The following UBA1 variants were observed in gnomAD, a reference collection of about 807,000 sequenced individuals.
The protein encoded by UBA1 is ubiquitin like modifier activating enzyme 1, also known as ubiquitin-like modifier-activating enzyme 1.
Under a neutral mutation model 84.7 loss-of-function variants are expected in UBA1, and 4 were observed. That is an observed-to-expected ratio of 0.05 (90% confidence interval 0.02 to 0.11). The LOEUF is 0.11. Ranked by LOEUF, UBA1 falls within the 10% of genes least tolerant of loss-of-function variation. The pLI, the probability that UBA1 is intolerant of heterozygous loss-of-function variation, is 1.00. For synonymous variants in UBA1, 364 were observed against 362.6 expected (o/e 1.00, Z -0.04); for missense variants, 513 against 902.8 (o/e 0.57, Z 5.53).
rs782073018 is a variant in UBA1 at position 47,214,969 on chromosome X, C to T, written c.*40C>T. The T allele has an allele frequency of 8.3e-7, 1 of 1,205,273 alleles. No individual in the cohort carries two copies. Among genetic ancestry groups the T allele is most frequent in the Admixed American group, 2.2e-5 (1 of 46,047 alleles). On this transcript the variant is annotated 3_prime_UTR_variant, in exon 26 of 26. Coordinates refer to ENST00000335972, the MANE Select transcript of UBA1 (RefSeq NM_003334.4). ...CTAGGCTGGCCCCTTGTCCACCCCT[C>T]TCCACACCCCTTCCAGCCCAGGGTT...
chrX:47,203,425 A>G, intron 13 of UBA1, 116 bp from the exon 14 acceptor site: 2 of 953,595 alleles, frequency 2.1e-6, no homozygotes, highest in Non-Finnish European at 3.0e-6. Flanking sequence ...TGCAACCTGA[A>G]GATGTGGTGT....
intron 23 of UBA1, 42 bp downstream of exon 23, chrX:47,213,223 C>T (rs1175657209): frequency 1.7e-6 from 2 of 1,167,489 alleles, no homozygotes; most frequent in Non-Finnish European, 2.3e-6. Context: ...TGGGGTGTAT[C>T]TGTGTAGATC....
In UBA1 at chrX:47,209,956, C is replaced by A; in HGVS notation, c.2032C>A (p.Arg678=). The A allele has an allele frequency of 1.7e-6, 2 of 1,212,118 alleles. No individual in the cohort carries two copies. The highest frequency in any genetic ancestry group is 1.8e-5 in the South Asian group (1 of 57,025). The change falls in exon 18 of 26, where the codon CGG becomes AGG. Residue 678 remains arginine, a synonymous_variant. Transcript: ENST00000335972. ...TDPKFVERTL[R]LAGTQPLEVL... is the part of the protein sequence containing the mutation. ...CCCCAAGTTTGTGGAGCGAACACTG[C>A]GGCTGGCAGGCACTCAGCCCTTGGA...
Position 47,199,230 on chromosome X carries a change from A to G in UBA1, c.198A>G (p.Ala66=), listed in dbSNP as rs1556786666. 1 of 1,212,181 alleles carries G rather than the reference A, an allele frequency of 8.2e-7. No homozygotes were observed. The highest frequency in any genetic ancestry group is 3.0e-5 in the East Asian group (1 of 33,862). The change falls in exon 4 of 26, where the codon GCA becomes GCG. Residue 66 remains alanine, a synonymous_variant. Transcript: ENST00000335972. ...GCAGGTATGTGTTGGGCCATGAGGC[A>G]ATGAAGCGGCTCCAGACATCCAGTG... ...SRQLYVLGHE[A]MKRLQTSSVL... is the part of the protein sequence containing the mutation.
chrX:47,201,307 A>G lies in UBA1; in HGVS notation c.619A>G (p.Ile207Val). 2 of 1,209,093 alleles carry G rather than the reference A, an allele frequency of 1.7e-6. No individual in the cohort carries two copies. The highest frequency in any genetic ancestry group is 1.1e-6 in the Non-Finnish European group (1 of 894,140). ...QLFCDFGEEM[I>V]LTDSNGEQPL... is the part of the protein sequence containing the mutation. ...CTTCTGTGACTTTGGAGAGGAAATG[A>G]TCCTCACAGATTCCAATGGGGAGCA... The change falls in exon 7 of 26, where the codon ATC becomes GTC. Residue 207 changes from isoleucine to valine, a missense_variant. By Grantham distance (29) the Ile-to-Val change is conservative (BLOSUM62 3). This residue lies in a region of UBA1 where 227 missense variants were observed against 339.1 expected (regional missense o/e 0.67). Transcript: ENST00000335972.
intron 1 of UBA1, chrX:47,198,245 G>A (rs782182393): frequency 6.1e-6 from 6 of 982,239 alleles, no homozygotes; most frequent in South Asian, 4.0e-5. Context: ...CGCTCCCGCC[G>A]CCATCCCTGG....
Position 47,198,235 on chromosome X carries a change from C to T in UBA1, c.1-568C>T, listed in dbSNP as rs1046355790. The T allele has an allele frequency of 6.0e-5, 59 of 979,791 alleles. No homozygotes were observed. In the Middle Eastern group the frequency reaches 9.0e-4, roughly 15 times the overall value. The allele number at this position is 979,791 out of a possible 1,213,427, so 80.7% of individuals were successfully genotyped here. ...AGCCTCACTTCCCTCCTGCACTCCC[C>T]GCTCCCGCCGCCATCCCTGGGATTA... On this transcript the variant is annotated intron_variant, in intron 1 of 25. Transcript: ENST00000335972.
chrX:47,192,837 C>T (rs782721031), upstream of UBA1, among the ~76,000 whole-genome samples: 1 of 112,328 alleles, frequency 8.9e-6, no homozygotes, highest in South Asian at 3.6e-4. Flanking sequence ...GTGATCCACC[C>T]GCCTCGGCCT....
At chrX:47,199,687 C>T (rs1936333189) in intron 5 of UBA1, 73 bp downstream of exon 5, 9 of 1,140,919 alleles carry the variant, frequency 7.9e-6, no homozygotes, top group Non-Finnish European at 9.6e-6. Context: ...CAGTAGTGTT[C>T]AATATTGATT....
chrX:47,207,396 GAAAA>G (rs1280457386), intron 16 of UBA1, among the ~76,000 whole-genome samples: 1 of 111,883 alleles, frequency 8.9e-6, no homozygotes, highest in Admixed American at 9.5e-5. Flanking sequence ...AAAAATAAAA[GAAAA>G]AAAGATCCGT....
chrX:47,203,917 T>A (rs1164198220), intron 14 of UBA1, among the ~76,000 whole-genome samples: 1 of 108,283 alleles, frequency 9.2e-6, no homozygotes, highest in Non-Finnish European at 1.9e-5. Context: ...CCCGGCTGAT[T>A]TTGCATTTTA....
intron 1 of UBA1, chrX:47,197,823 C>A: frequency 2.0e-6 from 1 of 498,557 alleles, no homozygotes; most frequent in Non-Finnish European, 2.5e-6. Context: ...ACCTTGGTCA[C>A]CGAACGTCCC....
chrX:47,202,616 T>C (rs782269823), intron 10 of UBA1, 22 bp from the exon 11 acceptor site: 19 of 1,211,794 alleles, frequency 1.6e-5, no homozygotes, highest in Non-Finnish European at 3.4e-6. Context: ...ATATCCTCTC[T>C]TGGTTCTTTC....
In UBA1 at chrX:47,205,810, T is replaced by C. The variant is rs958597780; in HGVS notation, c.1576-138T>C. 3.7e-5 allele frequency: 27 copies of C among 726,043 alleles called. No individual in the cohort carries two copies. The African/African-American group carries it at 5.1e-4, about 14-fold the overall frequency. The allele number at this position is 726,043 out of a possible 1,213,427, so 59.8% of individuals were successfully genotyped here. A position where few individuals can be genotyped will look rare whatever the true frequency, so the allele number is the denominator to read the frequency against. ...TTGAGGCTGCAGTGAGCCGTGATCATGCCACTGCATTCCAGCCTGTGTGAT... is the reference window on the plus strand; with the variant it reads ...TTGAGGCTGCAGTGAGCCGTGATCACGCCACTGCATTCCAGCCTGTGTGAT... On this transcript the variant is annotated intron_variant, in intron 14 of 25. Transcript: ENST00000335972.
Position 47,199,522 on chromosome X carries a change from G to T in UBA1, c.388G>T (p.Val130Leu). 1 of 1,211,865 alleles carries T rather than the reference G, an allele frequency of 8.3e-7. No individual in the cohort carries two copies. The highest frequency in any genetic ancestry group is 1.1e-6 in the Non-Finnish European group (1 of 895,528). ...GGACATCGGTAAAAACCGGGCCGAG[G>T]TATCACAGCCCCGCCTCGCTGAGCT... ...EEDIGKNRAE[V>L]SQPRLAELNS... The change falls in exon 5 of 26, where the codon GTA becomes TTA. Residue 130 changes from valine to leucine, a missense_variant. Physicochemically the swap from Val to Leu is conservative, Grantham distance 32. Coordinates refer to ENST00000335972, the MANE Select transcript of UBA1 (RefSeq NM_003334.4).
In UBA1 at chrX:47,214,820, C is replaced by T. The variant is rs1185350232; in HGVS notation, c.3068C>T (p.Ser1023Leu). ...QPMTEIVSRV[S>L]KRKLGRHVRA... The stretch of plus-strand genomic sequence containing the variant: ...ATGACAGAGATTGTGAGCCGTGTGT[C>T]GAAGCGAAAGCTGGGCCGCCACGTG... The change falls in exon 26 of 26, where the codon TCG becomes TTG. Residue 1023 changes from serine (S) to leucine (L), a missense_variant. This residue lies in a region of UBA1 where 151 missense variants were observed against 260.1 expected (regional missense o/e 0.58). Coordinates refer to ENST00000335972, the MANE Select transcript of UBA1 (RefSeq NM_003334.4). 5.0e-6 allele frequency: 6 copies of T among 1,210,016 alleles called. No homozygotes were observed. The highest frequency in any genetic ancestry group is 2.3e-4 in the Middle Eastern group (1 of 4,371).
chrX:47,193,840 G>C lies in UBA1; in HGVS notation c.-185G>C. ...GCTCAGCGTCCGCCATCTTGTGTCG[G>C]CGGCTCGGCTGTAAGGAGGTGGCAG... is the stretch of plus-strand genomic sequence containing the variant. On this transcript the variant is annotated 5_prime_UTR_variant, in exon 1 of 26. Coordinates refer to ENST00000335972, the MANE Select transcript of UBA1 (RefSeq NM_003334.4). 8.9e-6 allele frequency: 1 copy of C among 111,749 alleles called. No homozygotes were observed. The highest frequency in any genetic ancestry group is 1.9e-5 in the Non-Finnish European group (1 of 53,137). 9.2% of individuals were successfully genotyped at this position (111,749 alleles called of 1,213,427 possible).
chrX:47,193,128 A>G (rs1936091703), upstream of UBA1, among the ~76,000 whole-genome samples: 1 of 111,643 alleles, frequency 9.0e-6, no homozygotes, highest in Admixed American at 9.5e-5. Flanking sequence ...TGCCTTGGCT[A>G]TAGCATCGTA....
At chrX:47,208,811 C>T (rs1335570566) in intron 16 of UBA1, 1 of 110,467 alleles carries the variant, frequency 9.1e-6, no homozygotes, top group Non-Finnish European at 1.9e-5. Context: ...CATTTTTAGG[C>T]TGGGCATGGC....
Sources: allele counts gnomAD v4.1 joint callset (sites outside exome capture counted in the v4.1 genomes callset), GRCh38; gene constraint gnomAD v4.1.1; regional missense constraint gnomAD v4.1.1; transcripts MANE v1.5; gene names NCBI Gene and HGNC (gene_info 2026-07-23, HGNC 2026-07-21).